STXBP5L: variants seen among roughly 807,000 people sequenced by gnomAD.
STXBP5L encodes syntaxin binding protein 5L.
Under a neutral mutation model 144.5 loss-of-function variants are expected in STXBP5L, and 65 were observed. The observed-to-expected ratio is 0.45, with a 90% CI of 0.37 to 0.55. The LOEUF is 0.55. Among genes scored for constraint, STXBP5L ranks in the 20% least tolerant of loss-of-function variants. The pLI is 0.00. For synonymous variants in STXBP5L, 505 were observed against 469.6 expected (o/e 1.08, Z -0.97); for missense variants, 1,298 against 1,405.5 (o/e 0.92, Z 1.22).
chr3:121,026,806 C>T (rs1280853382), intron 3 of STXBP5L, among the ~76,000 whole-genome samples: 1 of 151,734 alleles, frequency 6.6e-6, no homozygotes, highest in Admixed American at 6.6e-5. Flanking sequence ...TGTAACAAAC[C>T]TTCACGTTGT....
At chr3:121,345,497 G>T (rs571830077) in intron 20 of STXBP5L, among the ~76,000 whole-genome samples, 1 of 152,204 alleles carries the variant, frequency 6.6e-6, no homozygotes, top group African/African-American at 2.4e-5. Context: ...ATAGTAGCAT[G>T]ATTTATAATC....
At chr3:121,267,747 G>A (rs989085791) in intron 18 of STXBP5L, among the ~76,000 whole-genome samples, 1 of 152,030 alleles carries the variant, frequency 6.6e-6, no homozygotes, top group African/African-American at 2.4e-5. Flanking sequence ...GTTGGCAAAC[G>A]ATAGGAACAG....
chr3:120,957,295 C>T (rs554400802), intron 3 of STXBP5L, among the ~76,000 whole-genome samples: 8 of 151,804 alleles, frequency 5.3e-5, no homozygotes, highest in Non-Finnish European at 7.4e-5. Context: ...TTGAAATGAT[C>T]GGATAGTTTT....
intron 5 of STXBP5L, among the ~76,000 whole-genome samples, chr3:121,080,180 T>A (rs1018249866): frequency 6.6e-6 from 1 of 152,190 alleles, no homozygotes; most frequent in African/African-American, 2.4e-5. Flanking sequence ...GCATGGAACA[T>A]GTTTCCAGCT....
At chr3:121,377,218 A>G (rs1397217906) in intron 20 of STXBP5L, among the ~76,000 whole-genome samples, 1 of 152,186 alleles carries the variant, frequency 6.6e-6, no homozygotes. Flanking sequence ...AATACCCTTT[A>G]TTTCTTTCTC....
intron 20 of STXBP5L, among the ~76,000 whole-genome samples, chr3:121,340,337 T>C (rs1013181671): frequency 2.7e-4 from 41 of 152,156 alleles, no homozygotes; most frequent in African/African-American, 9.4e-4. Flanking sequence ...TTTTTTACTT[T>C]TTTTAAATTA....
chr3:120,988,999 C>CT (rs1397420349), intron 3 of STXBP5L, among the ~76,000 whole-genome samples: 3 of 152,056 alleles, frequency 2.0e-5, no homozygotes, highest in Admixed American at 1.3e-4. Context: ...TGATTTCATT[C>CT]TTTTTTTAAG....
chr3:121,017,886 G>A lies in STXBP5L; in HGVS notation c.288-23814G>A, dbSNP rs116143910. On this transcript the variant is annotated intron_variant, in intron 3 of 26. Coordinates refer to ENST00000471454, the MANE Select transcript of STXBP5L (RefSeq NM_001308330.2). ...GAGGCCAGGAGTTCAAGTCTGGCCC[G>A]GGGCAATGTTGTGAGACCCCAGTTT... Among the ~76,000 whole-genome samples, 633 of 152,116 alleles carry A rather than the reference G, an allele frequency of 4.2e-3. 3 individuals carry two copies. Among genetic ancestry groups the A allele is most frequent in the Admixed American group, 6.3e-3 (97 of 15,282 alleles).
At chr3:121,331,909 C>T (rs561568288) in intron 20 of STXBP5L, among the ~76,000 whole-genome samples, 7 of 152,098 alleles carry the variant, frequency 4.6e-5, no homozygotes, top group Non-Finnish European at 1.0e-4. Context: ...AACCTGCTCA[C>T]ACACCAAGCA....
intron 9 of STXBP5L, among the ~76,000 whole-genome samples, chr3:121,175,759 C>T (rs1480715474): frequency 6.6e-6 from 1 of 151,326 alleles, no homozygotes; most frequent in Non-Finnish European, 1.5e-5. Context: ...AATTAAAAGA[C>T]AGTGATTCTA....
intron 18 of STXBP5L, among the ~76,000 whole-genome samples, chr3:121,271,046 A>C (rs2050720656): frequency 6.6e-6 from 1 of 152,160 alleles, no homozygotes; most frequent in Non-Finnish European, 1.5e-5. Context: ...TTGTGGGGAG[A>C]TACTTGAAAG....
chr3:121,310,915 A>G (rs2043504148), intron 19 of STXBP5L, among the ~76,000 whole-genome samples: 1 of 152,192 alleles, frequency 6.6e-6, no homozygotes, highest in Non-Finnish European at 1.5e-5. Flanking sequence ...TCTCAAAAAA[A>G]AAAAGACACC....
intron 20 of STXBP5L, among the ~76,000 whole-genome samples, chr3:121,329,727 G>A (rs1379551424): frequency 6.6e-6 from 1 of 152,114 alleles, no homozygotes; most frequent in Admixed American, 6.5e-5. Context: ...CAGGCATGGT[G>A]GCAGGCGCCT....
intron 22 of STXBP5L, among the ~76,000 whole-genome samples, chr3:121,391,755 G>T (rs916473391): frequency 2.0e-5 from 3 of 152,156 alleles, no homozygotes; most frequent in South Asian, 2.1e-4. Context: ...AAATATTGCT[G>T]CCTGATCCTT....
chr3:120,930,316 T>C (rs550771503), intron 2 of STXBP5L, among the ~76,000 whole-genome samples: 16 of 151,960 alleles, frequency 1.1e-4, no homozygotes, highest in Admixed American at 5.9e-4. Flanking sequence ...TTAACTGTTA[T>C]TTAATCATAG....
At chr3:121,278,249 T>G (rs532186419) in intron 18 of STXBP5L, among the ~76,000 whole-genome samples, 1 of 152,116 alleles carries the variant, frequency 6.6e-6, no homozygotes, top group Admixed American at 6.6e-5. Flanking sequence ...TGTTGCCTGT[T>G]GACCAATATG....
chr3:121,327,950 G>T (rs1010249882), intron 20 of STXBP5L, among the ~76,000 whole-genome samples: 3 of 152,172 alleles, frequency 2.0e-5, no homozygotes, highest in Non-Finnish European at 4.4e-5. Context: ...CAGTTTTTCA[G>T]GGTGTGAAGG....
intron 14 of STXBP5L, among the ~76,000 whole-genome samples, chr3:121,249,411 G>A (rs1425091376): frequency 3.3e-5 from 5 of 152,082 alleles, no homozygotes; most frequent in Non-Finnish European, 5.9e-5. Flanking sequence ...TCAGCATACA[G>A]ATCTGGCACA....
chr3:121,306,194 G>C (rs2108502605), intron 19 of STXBP5L, among the ~76,000 whole-genome samples: 1 of 152,218 alleles, frequency 6.6e-6, no homozygotes, highest in Middle Eastern at 3.4e-3. Context: ...ACTGAAACTT[G>C]GTAGAAACAA....
Sources: gnomAD v4.1 joint callset for allele counts (sites outside exome capture counted in the v4.1 genomes callset) on GRCh38, gnomAD v4.1.1 for gene constraint, MANE v1.5 for transcripts, NCBI Gene and HGNC (gene_info 2026-07-23, HGNC 2026-07-21) for gene names.